Variants in NAA11 observed in about 807,000 individuals in gnomAD.
The protein encoded by NAA11 is N-alpha-acetyltransferase 11.
A neutral mutation model predicts 16.1 loss-of-function variants in NAA11; 15 were observed. The ratio of observed to expected loss-of-function variants is 0.93; its 90% CI spans 0.62 to 1.44. The LOEUF is 1.44. Ranked by LOEUF, NAA11 falls within the 40% of genes most tolerant of loss-of-function variation. NAA11 has a pLI of 0.00. For synonymous variants in NAA11, 122 were observed against 112.4 expected, an observed-to-expected ratio of 1.09 and a Z score of -0.54; for missense variants, 298 against 291.3, an observed-to-expected ratio of 1.02 and a Z score of -0.17.
the NAA11 span, among the ~76,000 whole-genome samples, chr4:79,204,229 G>A: frequency 6.6e-6 from 1 of 151,778 alleles, no homozygotes; most frequent in Non-Finnish European, 1.5e-5. Flanking sequence ...TGACAATGTT[G>A]TTTACACTAA....
chr4:79,181,859 A>T, the NAA11 span, among the ~76,000 whole-genome samples: 12 of 152,188 alleles, frequency 7.9e-5, no homozygotes, highest in African/African-American at 1.7e-4. Context: ...TCGTTTTTTT[A>T]AAAATGTAGT....
At chr4:79,198,737 T>G in the NAA11 span, among the ~76,000 whole-genome samples, 371 of 152,080 alleles carry the variant, frequency 2.4e-3, 4 homozygotes, top group African/African-American at 8.4e-3. Flanking sequence ...GTTTTGGAAT[T>G]TGTTCAACAA....
chr4:79,161,431 A>G, the NAA11 span, among the ~76,000 whole-genome samples: 1 of 152,212 alleles, frequency 6.6e-6, no homozygotes. Context: ...ATAGCTTTGT[A>G]AGAAATTTTG....
intron 2 of NAA11, among the ~76,000 whole-genome samples, chr4:79,279,766 T>C (rs1387401340): frequency 2.0e-5 from 3 of 152,066 alleles, no homozygotes; most frequent in African/African-American, 7.2e-5. Flanking sequence ...TTGCAGAACA[T>C]CACTGTTTTC....
At chr4:79,303,180 A>C (rs1349892858) in intron 1 of NAA11, among the ~76,000 whole-genome samples, 1 of 149,050 alleles carries the variant, frequency 6.7e-6, no homozygotes, top group African/African-American at 2.5e-5. Flanking sequence ...ACTGGGAAAG[A>C]AACAACATAA....
rs189199634 is a variant in NAA11 at position 79,319,958 on chromosome 4, G to A, written c.*13-2167C>T. Among the ~76,000 whole-genome samples the A allele has an allele frequency of 2.1e-3, 314 of 152,250 alleles. 3 individuals are homozygous for A. Among genetic ancestry groups the A allele is most frequent in the Non-Finnish European group, 2.3e-3 (154 of 68,012 alleles). ...CTTTTTGTTAGAATGACAGTTTAGC[G>A]ACACAAAGAATAAACCAGAAAGGGA... On this transcript the variant is annotated intron_variant, in intron 1 of 1. Transcript: ENST00000286794.
At chr4:79,318,975 T>A (rs1330846458) in intron 1 of NAA11, among the ~76,000 whole-genome samples, 1 of 152,156 alleles carries the variant, frequency 6.6e-6, no homozygotes, top group East Asian at 1.9e-4. Context: ...TGGAGCACAG[T>A]GGTACAATCA....
intron 1 of NAA11, among the ~76,000 whole-genome samples, chr4:79,295,581 T>C (rs1429032547): frequency 6.6e-6 from 1 of 152,088 alleles, no homozygotes; most frequent in Non-Finnish European, 1.5e-5. Flanking sequence ...CTCTCAGGAG[T>C]TGGTTTATCC....
the NAA11 span, among the ~76,000 whole-genome samples, chr4:79,192,863 A>T: frequency 6.6e-6 from 1 of 151,386 alleles, no homozygotes; most frequent in Non-Finnish European, 1.5e-5. Flanking sequence ...AAGTGTTCCT[A>T]TTTCTCCACA....
intron 2 of NAA11, among the ~76,000 whole-genome samples, chr4:79,271,999 T>C (rs1409066350): frequency 1.3e-5 from 2 of 151,458 alleles, no homozygotes; most frequent in Admixed American, 1.3e-4. Flanking sequence ...TATATATGTA[T>C]ACACACACAC....
At position 79,293,114 on chromosome 4, in the gene NAA11, G is replaced by GT. The variant is rs141583180; in HGVS notation, c.*122+890dup. 2.6e-5 allele frequency among the ~76,000 whole-genome samples: 4 copies of GT among 152,068 alleles called. 1 individual carries two copies. The highest frequency in any genetic ancestry group is 7.2e-5 in the African/African-American group (3 of 41,530). ...AACTGTTGTATAAATAAGAGTGAAA[G>GT]TTTTTTTTAACACTGTGTTTTGCAT... On this transcript the variant is annotated intron_variant and NMD_transcript_variant, in intron 2 of 2. Transcript: ENST00000511542.
the NAA11 span, among the ~76,000 whole-genome samples, chr4:79,190,919 G>A: frequency 9.9e-5 from 15 of 151,980 alleles, no homozygotes; most frequent in African/African-American, 2.4e-4. Flanking sequence ...GAGAACATGC[G>A]GTATTTGGTT....
the NAA11 span, among the ~76,000 whole-genome samples, chr4:79,159,126 G>T: frequency 6.6e-6 from 1 of 152,132 alleles, no homozygotes. Context: ...ACTGCAAAAG[G>T]AACAGTCAGC....
chr4:79,169,862 G>A, the NAA11 span, among the ~76,000 whole-genome samples: 10 of 152,146 alleles, frequency 6.6e-5, no homozygotes, highest in African/African-American at 2.4e-4. Context: ...GAGATGACAC[G>A]AATTGTATGT....
downstream of NAA11, among the ~76,000 whole-genome samples, chr4:79,314,468 G>A (rs1490291932): frequency 6.6e-6 from 1 of 151,890 alleles, no homozygotes; most frequent in Non-Finnish European, 1.5e-5. Flanking sequence ...GATTTTTTAA[G>A]TCTGAGCCAG....
At chr4:79,205,323 G>A in the NAA11 span, among the ~76,000 whole-genome samples, 3 of 151,468 alleles carry the variant, frequency 2.0e-5, no homozygotes, top group East Asian at 1.9e-4. Flanking sequence ...CAGTTGTGCC[G>A]ACATCTATTT....
chr4:79,224,773 G>A (rs752930323), downstream of NAA11, among the ~76,000 whole-genome samples: 18 of 152,096 alleles, frequency 1.2e-4, no homozygotes, highest in Non-Finnish European at 2.4e-4. Context: ...GATGAACAAG[G>A]TCAACGTCAA....
At chr4:79,175,145 C>T in the NAA11 span, among the ~76,000 whole-genome samples, 1 of 152,066 alleles carries the variant, frequency 6.6e-6, no homozygotes, top group Non-Finnish European at 1.5e-5. Flanking sequence ...CAAAGAAAGG[C>T]AAGTCCTAAA....
chr4:79,224,298 A>T (rs867416207), downstream of NAA11, among the ~76,000 whole-genome samples: 2 of 152,100 alleles, frequency 1.3e-5, no homozygotes, highest in Non-Finnish European at 2.9e-5. Context: ...ACAAAATTCA[A>T]TCCACTACCA....
Sources: gnomAD v4.1 joint callset for allele counts (sites outside exome capture counted in the v4.1 genomes callset) on GRCh38, gnomAD v4.1.1 for gene constraint, MANE v1.5 for transcripts, NCBI Gene and HGNC (gene_info 2026-07-23, HGNC 2026-07-21) for gene names.